The following TRPM1 variants were observed in gnomAD, a reference collection of about 807,000 sequenced individuals.
TRPM1 encodes transient receptor potential cation channel subfamily M member 1.
A neutral mutation model predicts 149.4 loss-of-function variants in TRPM1; 113 were observed. That is an observed-to-expected ratio of 0.76 (90% CI 0.65 to 0.88). TRPM1 has a LOEUF of 0.88. TRPM1 is among the 40% of genes least tolerant of loss of function. The pLI, the probability that TRPM1 is intolerant of heterozygous loss-of-function variation, is 0.00. For missense variants in TRPM1, 1,976 were observed against 2,038.7 expected (o/e 0.97, Z 0.59); for synonymous variants, 741 against 759.5 (o/e 0.98, Z 0.40).
chr15:31,118,314 A>G (rs901258786), intron 1 of TRPM1, among the ~76,000 whole-genome samples: 1 of 152,122 alleles, frequency 6.6e-6, no homozygotes, highest in Non-Finnish European at 1.5e-5. Flanking sequence ...TGTAATATAA[A>G]TACCAGAGGG....
chr15:31,135,697 G>A (rs1792995855), intron 1 of TRPM1, among the ~76,000 whole-genome samples: 1 of 152,028 alleles, frequency 6.6e-6, no homozygotes, highest in South Asian at 2.1e-4. Flanking sequence ...GCAGTAATGA[G>A]TGAACTCTCA....
intron 1 of TRPM1, among the ~76,000 whole-genome samples, chr15:31,145,189 A>G (rs567328622): frequency 6.6e-6 from 1 of 152,304 alleles, no homozygotes; most frequent in East Asian, 1.9e-4. Flanking sequence ...GGAACGTCTC[A>G]TGCCCTTGAT....
chr15:31,142,731 A>G (rs552814053), intron 1 of TRPM1, among the ~76,000 whole-genome samples: 1 of 152,328 alleles, frequency 6.6e-6, no homozygotes, highest in African/African-American at 2.4e-5. Flanking sequence ...ACCTCAAACT[A>G]ACTTTTGGAC....
In TRPM1 at chr15:31,037,743, T is replaced by C; in HGVS notation, c.2539A>G (p.Asn847Asp). 2.5e-6 allele frequency: 4 copies of C among 1,614,222 alleles called. No individual in the cohort carries two copies. The highest frequency in any genetic ancestry group is 3.4e-6 in the Non-Finnish European group (4 of 1,180,046). ...PIGTKICEFY[N>D]APIVKFWFYT... is the part of the protein sequence containing the mutation. ...AACCAGAACTTGACAATGGGCGCGT[T>C]ATAGAATTCACAGATCTTTGTTCCG... The change falls in exon 20 of 28, where the codon AAC becomes GAC. Residue 847 changes from asparagine to aspartate, a missense_variant. By Grantham distance (23) the Asn-to-Asp change is conservative. Coordinates refer to ENST00000256552, the MANE Select transcript of TRPM1 (RefSeq NM_001252024.2).
At position 31,050,490 on chromosome 15, in the gene TRPM1, T is replaced by C. The variant is rs759565319; in HGVS notation, c.1356A>G (p.Lys452=). The C allele has an allele frequency of 6.2e-7, 1 of 1,614,084 alleles. No individual in the cohort carries two copies. The highest frequency in any genetic ancestry group is 1.1e-5 in the South Asian group (1 of 91,072). Residue 452 remains lysine, a synonymous_variant, in exon 12 of 28, where the codon AAA becomes AAG. Coordinates refer to ENST00000256552, the MANE Select transcript of TRPM1 (RefSeq NM_001252024.2). ...PMATTKGGRG[K]GKGKKKGKVK... is the part of the protein sequence containing the mutation. The stretch of plus-strand genomic sequence containing the variant: ...CTTTCCCTTTCTTCTTGCCTTTCCC[T>C]TTTCCTCTTCCTCCCTTGGTGGTGG...
At position 31,088,597 on chromosome 15, in the gene TRPM1, A is replaced by G. The variant is rs547906445; in HGVS notation, c.-83-7159T>C. On this transcript the variant is annotated intron_variant, in intron 1 of 27. Transcript: ENST00000256552. ...CTGAAGTGAGCAAGGCCAAGAACCCACCGGAAGGAAGAAACGTAGGAAACA... is the reference window on the plus strand; with the variant it reads ...CTGAAGTGAGCAAGGCCAAGAACCCGCCGGAAGGAAGAAACGTAGGAAACA... Among the ~76,000 whole-genome samples the G allele has an allele frequency of 1.2e-3, 176 of 152,302 alleles. 1 individual carries two copies. The highest frequency in any genetic ancestry group is 4.1e-3 in the African/African-American group (171 of 41,562).
chr15:31,135,449 A>G (rs2036075681), intron 1 of TRPM1, among the ~76,000 whole-genome samples: 1 of 152,242 alleles, frequency 6.6e-6, no homozygotes, highest in East Asian at 1.9e-4. Flanking sequence ...TAAATTAAAA[A>G]AAGAGAATGA....
chr15:31,051,292 C>G (rs943561891), intron 11 of TRPM1, among the ~76,000 whole-genome samples: 2 of 152,176 alleles, frequency 1.3e-5, no homozygotes, highest in African/African-American at 4.8e-5. Context: ...ACAACCGGAC[C>G]CTCCAGCTGG....
At chr15:31,050,714 C>T in intron 11 of TRPM1, 132 bp from the exon 12 acceptor site, 10 of 965,902 alleles carry the variant, frequency 1.0e-5, no homozygotes, top group Non-Finnish European at 1.5e-5. Flanking sequence ...TACATGTGCA[C>T]ACCCACACAG....
chr15:31,015,318 A>AG (rs2032319981), intron 27 of TRPM1, among the ~76,000 whole-genome samples: 1 of 152,008 alleles, frequency 6.6e-6, no homozygotes, highest in African/African-American at 2.4e-5. Flanking sequence ...GGGCTGAGGC[A>AG]GGAGAATTGC....
intron 1 of TRPM1, among the ~76,000 whole-genome samples, chr15:31,128,842 A>T (rs558812471): frequency 6.6e-6 from 1 of 152,366 alleles, no homozygotes; most frequent in Admixed American, 6.5e-5. Context: ...CAATTTTTGA[A>T]CAGAGGGCCA....
chr15:31,023,247 C>T (rs1389334018), intron 27 of TRPM1, among the ~76,000 whole-genome samples: 1 of 152,184 alleles, frequency 6.6e-6, no homozygotes, highest in East Asian at 1.9e-4. Context: ...GGGTGAGGTG[C>T]ATCAGACAGA....
rs1293971420 is a variant in TRPM1 at position 31,040,356 on chromosome 15, A to G, written c.2088-10T>C. ...AAGCTGGCCGAAGTCTCTGGGGGGA[A>G]AGAGAAGGGACCAGGGTGAAGCCAC... On this transcript the variant is annotated splice_polypyrimidine_tract_variant and intron_variant, in intron 17 of 27. Transcript: ENST00000256552. This position sits in a 1 kb window ranked among gnomAD's most constrained non-coding sequence, Gnocchi z 4.2. 1.2e-6 allele frequency: 2 copies of G among 1,612,968 alleles called. No homozygotes were observed. Among genetic ancestry groups the G allele is most frequent in the Admixed American group, 1.7e-5 (1 of 59,996 alleles).
chr15:31,019,727 G>C (rs1490086107), intron 27 of TRPM1, among the ~76,000 whole-genome samples: 3 of 151,060 alleles, frequency 2.0e-5, no homozygotes, highest in Admixed American at 6.6e-5. Context: ...AGTAGAAACG[G>C]GGTTTCACCA....
Position 31,070,159 on chromosome 15 carries a change from C to T in TRPM1, c.151G>A (p.Glu51Lys). Residue 51 changes from glutamate to lysine, a missense_variant, in exon 4 of 28, where the codon GAA becomes AAA. Around this residue, in one of 3 missense-constraint regions of TRPM1, gnomAD observed 1,332 missense variants for 1,347.1 expected, o/e 0.99. Coordinates refer to ENST00000256552, the MANE Select transcript of TRPM1 (RefSeq NM_001252024.2). ...PLPSATPSKN[E>K]EESKQVETQP... Reference sequence around the variant, plus strand: ...GTCTCCACCTGTTTGCTTTCCTCTTCATTTTTGCTGGGTGTTGCACTTGGC... The same window carrying T: ...GTCTCCACCTGTTTGCTTTCCTCTTTATTTTTGCTGGGTGTTGCACTTGGC... 1 of 1,614,070 alleles carries T rather than the reference C, an allele frequency of 6.2e-7. No homozygotes were observed. Among genetic ancestry groups the T allele is most frequent in the Non-Finnish European group, 8.5e-7 (1 of 1,179,948 alleles).
chr15:31,144,732 T>C (rs905640557), intron 1 of TRPM1, among the ~76,000 whole-genome samples: 111 of 147,506 alleles, frequency 7.5e-4, no homozygotes, highest in African/African-American at 2.6e-3. Flanking sequence ...TTTTTTTTTT[T>C]GAGACATAGT....
chr15:31,030,674 G>A (rs1240830297), intron 23 of TRPM1, among the ~76,000 whole-genome samples: 1 of 152,128 alleles, frequency 6.6e-6, no homozygotes, highest in Non-Finnish European at 1.5e-5. Flanking sequence ...CTTATCCTGG[G>A]GTGGGGAGAT....
At chr15:31,117,663 A>AAAAC (rs1293716050) in intron 1 of TRPM1, among the ~76,000 whole-genome samples, 1 of 47,030 alleles carries the variant, frequency 2.1e-5, no homozygotes, top group Non-Finnish European at 4.7e-5. Flanking sequence ...AAAAAAAAAA[A>AAAAC]ATACACACAC....
chr15:31,149,508 A>G (rs986226176), intron 1 of TRPM1, among the ~76,000 whole-genome samples: 14 of 148,540 alleles, frequency 9.4e-5, no homozygotes, highest in African/African-American at 3.2e-4. Context: ...ATAGCTCGTC[A>G]TGTGCATCTC....
Sources: allele counts gnomAD v4.1 joint callset (sites outside exome capture counted in the v4.1 genomes callset), GRCh38; gene constraint gnomAD v4.1.1; regional missense constraint gnomAD v4.1.1; non-coding constraint Gnocchi (gnomAD v3.1); transcripts MANE v1.5; gene names NCBI Gene and HGNC (gene_info 2026-07-23, HGNC 2026-07-21).